IRAK3: variants seen among roughly 807,000 people sequenced by gnomAD.
IRAK3 encodes the protein interleukin-1 receptor-associated kinase 3.
A neutral mutation model predicts 56.6 loss-of-function variants in IRAK3; 57 were observed. The observed-to-expected ratio is 1.01, with a 90% confidence interval of 0.81 to 1.26. IRAK3 has a LOEUF of 1.26. Among genes scored for constraint, IRAK3 ranks in the 50% most tolerant of loss-of-function variants. The pLI is 0.00. For missense variants in IRAK3, 703 were observed against 719.0 expected (o/e 0.98, Z 0.25); for synonymous variants, 258 against 255.7 (o/e 1.01, Z -0.09).
In IRAK3 at chr12:66,203,753, A is replaced by C; in HGVS notation, c.176A>C (p.Glu59Ala). 6.2e-7 allele frequency: 1 copy of C among 1,614,106 alleles called. No homozygotes were observed. The highest frequency in any genetic ancestry group is 1.7e-5 in the Admixed American group (1 of 59,982). Residue 59 changes from glutamate to alanine, a missense_variant, in exon 2 of 12, where the codon GAA (glutamate) becomes GCA (alanine). Physicochemically the swap from Glu to Ala is moderately radical, Grantham distance 107. Coordinates refer to ENST00000261233, the MANE Select transcript of IRAK3 (RefSeq NM_007199.3). ...SSSWLDVRHI[E>A]KYVDQGKSGT... ...AGCTGGCTGGATGTTCGTCATATTGAAAAGTATGTAGACCAAGGTAAAAGT... is the reference window on the plus strand; with the variant it reads ...AGCTGGCTGGATGTTCGTCATATTGCAAAGTATGTAGACCAAGGTAAAAGT...
At position 66,252,591 on chromosome 12, in the gene IRAK3, T is replaced by G. The variant is rs1407993870; in HGVS notation, c.*4420T>G. On this transcript the variant is annotated 3_prime_UTR_variant, in exon 12 of 12. Coordinates refer to ENST00000261233, the MANE Select transcript of IRAK3 (RefSeq NM_007199.3). ...AAATACTTAGCAATGGCTTCCTTTG[T>G]ATCAGGCACTATTCTAGGAGCTGGG... The G allele has an allele frequency of 1.3e-5, 2 of 152,262 alleles. No individual in the cohort carries two copies. Among genetic ancestry groups the G allele is most frequent in the Non-Finnish European group, 2.9e-5 (2 of 68,054 alleles). The allele number at this position is 152,262 out of a possible 1,614,324, so 9.4% of individuals were successfully genotyped here.
intron 8 of IRAK3, among the ~76,000 whole-genome samples, chr12:66,240,413 A>G (rs979968831): frequency 6.6e-6 from 1 of 152,184 alleles, no homozygotes; most frequent in African/African-American, 2.4e-5. Context: ...TTCAGTGGGG[A>G]TGAAAAAGAA....
rs755670274 is a variant in IRAK3 at position 66,196,517 on chromosome 12, C to T, written c.133+7085C>T. On this transcript the variant is annotated intron_variant, in intron 1 of 11. Coordinates refer to ENST00000261233, the MANE Select transcript of IRAK3 (RefSeq NM_007199.3). ...AACCTTGGTGTTGAGGGTGAATTAT[C>T]TCCCAGAGGTAGTTAATGTTAGGTT... Among the ~76,000 whole-genome samples the T allele has an allele frequency of 1.1e-4, 17 of 152,240 alleles. 1 individual carries two copies. The highest frequency in any genetic ancestry group is 8.3e-4 in the South Asian group (4 of 4,822).
intron 7 of IRAK3, 132 bp downstream of exon 7, chr12:66,226,969 G>C: frequency 1.4e-6 from 1 of 700,684 alleles, no homozygotes; most frequent in Non-Finnish European, 2.6e-6. Flanking sequence ...GGTTTCCCAA[G>C]GAAGCAGTAC....
At chr12:66,237,246 G>A (rs1483751057) in intron 8 of IRAK3, among the ~76,000 whole-genome samples, 1 of 152,120 alleles carries the variant, frequency 6.6e-6, no homozygotes, top group East Asian at 1.9e-4. Context: ...GCAATGAGCT[G>A]TAATTATCCC....
intron 6 of IRAK3, 91 bp from the exon 7 acceptor site, chr12:66,226,632 C>A (rs1397240493): frequency 2.6e-6 from 2 of 773,052 alleles, no homozygotes; most frequent in East Asian, 5.1e-5. Context: ...GGCCTATTCC[C>A]CATCCCACCT....
intron 1 of IRAK3, among the ~76,000 whole-genome samples, chr12:66,195,288 C>A (rs912131998): frequency 2.6e-5 from 4 of 152,240 alleles, no homozygotes; most frequent in Non-Finnish European, 5.9e-5. Flanking sequence ...TTGGCACCAA[C>A]CACCATCGGT....
rs2053082142 is a variant in IRAK3 at position 66,250,111 on chromosome 12, A to G, written c.*1940A>G. The G allele has an allele frequency of 6.6e-6, 1 of 152,226 alleles. No individual in the cohort carries two copies. Among genetic ancestry groups the G allele is most frequent in the African/African-American group, 2.4e-5 (1 of 41,458 alleles). The allele number at this position is 152,226 out of a possible 1,614,324, so 9.4% of individuals were successfully genotyped here. On this transcript the variant is annotated 3_prime_UTR_variant, in exon 12 of 12. Transcript: ENST00000261233. The stretch of plus-strand genomic sequence containing the variant: ...ATAATCAATAATTCAGCTATAATAA[A>G]CATTGCCGAATAAATTAACAAAGGG...
intron 3 of IRAK3, among the ~76,000 whole-genome samples, chr12:66,209,742 G>A (rs2052594129): frequency 6.6e-6 from 1 of 152,182 alleles, no homozygotes; most frequent in African/African-American, 2.4e-5. Flanking sequence ...TCAGTGATCT[G>A]TCAGAGATGA....
In IRAK3 at chr12:66,228,382, C is replaced by A; in HGVS notation, c.887+12C>A. 6.3e-7 allele frequency: 1 copy of A among 1,585,674 alleles called. No homozygotes were observed. Among genetic ancestry groups the A allele is most frequent in the South Asian group, 1.1e-5 (1 of 90,506 alleles). ...GGCAGTATATCAAGGTAAATTATTC[C>A]AGAGCTTTTGGTTATACCTGAAAGC... On this transcript the variant is annotated intron_variant, in intron 8 of 11. Transcript: ENST00000261233.
At chr12:66,246,871 G>C (rs1289985063) in intron 11 of IRAK3, among the ~76,000 whole-genome samples, 1 of 152,094 alleles carries the variant, frequency 6.6e-6, no homozygotes, top group Non-Finnish European at 1.5e-5. Flanking sequence ...CAAATCATCC[G>C]AAGCTTCTAA....
In IRAK3 at chr12:66,201,722, T is replaced by C. The variant is rs535846413; in HGVS notation, c.134-1989T>C. Among the ~76,000 whole-genome samples the C allele has an allele frequency of 2.0e-5, 3 of 152,360 alleles. No individual in the cohort carries two copies. In the East Asian group the frequency reaches 5.8e-4, roughly 29 times the overall value. ...TTAAGATGTTTATGCCAAACCTTAA[T>C]TGAATTATTTAAAGCCTAGTATGCT... On this transcript the variant is annotated intron_variant, in intron 1 of 11. Coordinates refer to ENST00000261233, the MANE Select transcript of IRAK3 (RefSeq NM_007199.3).
intron 6 of IRAK3, among the ~76,000 whole-genome samples, chr12:66,218,186 G>A (rs2052696934): frequency 6.6e-6 from 1 of 152,120 alleles, no homozygotes; most frequent in Admixed American, 6.6e-5. Flanking sequence ...TATTTTGTGT[G>A]TAGGCAAATA....
At chr12:66,198,674 A>T (rs942287742) in intron 1 of IRAK3, among the ~76,000 whole-genome samples, 3 of 152,034 alleles carry the variant, frequency 2.0e-5, no homozygotes, top group Non-Finnish European at 2.9e-5. Context: ...TTAAATATTC[A>T]TTACTATGAA....
chr12:66,227,510 C>T (rs112032903), intron 7 of IRAK3, among the ~76,000 whole-genome samples: 61 of 152,132 alleles, frequency 4.0e-4, no homozygotes, highest in African/African-American at 1.3e-3. Context: ...ACCTTGGAGA[C>T]GGAGGTTGCA....
intron 8 of IRAK3, among the ~76,000 whole-genome samples, chr12:66,232,131 G>C (rs1436773750): frequency 4.6e-5 from 7 of 152,204 alleles, no homozygotes; most frequent in Non-Finnish European, 8.8e-5. Flanking sequence ...AAGAGACAAG[G>C]CTTGAAATGC....
At position 66,248,019 on chromosome 12, in the gene IRAK3, T is replaced by A. The variant is rs765000159; in HGVS notation, c.1639T>A (p.Tyr547Asn). ...TTGTGAAGAAAGTTGGTTCCCAAAG[T>A]ATATAGTTCCATCCCAGGACTTAAG... ...SSCEESWFPK[Y>N]IVPSQDLRPY... Residue 547 changes from tyrosine to asparagine, a missense_variant, in exon 12 of 12, where the codon TAT (tyrosine) becomes AAT (asparagine). Physicochemically the swap from Tyr to Asn is moderately radical, Grantham distance 143. Transcript: ENST00000261233. 2.9e-5 allele frequency: 47 copies of A among 1,594,746 alleles called. No homozygotes were observed. Among genetic ancestry groups the A allele is most frequent in the Non-Finnish European group, 4.0e-5 (47 of 1,172,082 alleles).
chr12:66,234,098 G>A (rs1287687858), intron 8 of IRAK3: 2 of 1,613,944 alleles, frequency 1.2e-6, no homozygotes, highest in African/African-American at 2.7e-5. Flanking sequence ...AAAGGTATAT[G>A]GAGAATGGTC....
At chr12:66,213,615 G>A (rs1458929927) in intron 5 of IRAK3, among the ~76,000 whole-genome samples, 2 of 151,882 alleles carry the variant, frequency 1.3e-5, no homozygotes, top group African/African-American at 2.4e-5. Context: ...TGTAAACTAC[G>A]GTAATAATGA....
Sources: allele counts gnomAD v4.1 joint callset (sites outside exome capture counted in the v4.1 genomes callset), GRCh38; gene constraint gnomAD v4.1.1; transcripts MANE v1.5; gene names NCBI Gene and HGNC (gene_info 2026-07-23, HGNC 2026-07-21).